Variants in WDR7 observed in about 807,000 individuals in gnomAD.
WDR7 encodes the protein WD repeat domain 7.
A neutral mutation model predicts 169.4 loss-of-function variants in WDR7; 46 were observed. The observed-to-expected ratio is 0.27, with a 90% confidence interval of 0.21 to 0.35. WDR7 has a LOEUF of 0.35. WDR7 is among the 10% of genes least tolerant of loss of function. WDR7 has a pLI of 1.00. For missense variants in WDR7, 1,534 were observed against 1,859.3 expected, an observed-to-expected ratio of 0.83 and a Z score of 3.22; for synonymous variants, 612 against 666.8, an observed-to-expected ratio of 0.92 and a Z score of 1.27.
At chr18:56,786,955 C>T (rs2044410561) in intron 19 of WDR7, among the ~76,000 whole-genome samples, 1 of 151,420 alleles carries the variant, frequency 6.6e-6, no homozygotes, top group Admixed American at 6.6e-5. Flanking sequence ...ATTACTTTTG[C>T]ACCAACCTAA....
chr18:56,959,413 A>G (rs1449043421), intron 25 of WDR7, among the ~76,000 whole-genome samples: 2 of 152,160 alleles, frequency 1.3e-5, no homozygotes. Flanking sequence ...TATAATTTAC[A>G]TTATTACCCA....
At chr18:56,959,275 G>T (rs1376699048) in intron 25 of WDR7, among the ~76,000 whole-genome samples, 1 of 152,140 alleles carries the variant, frequency 6.6e-6, no homozygotes, top group African/African-American at 2.4e-5. Context: ...CGTGAACAGG[G>T]CTGTGAACAG....
At chr18:57,030,314 AC>A (rs1349837780), downstream of WDR7, 1 of 152,242 alleles carries the variant, frequency 6.6e-6, no homozygotes, top group Non-Finnish European at 1.5e-5. Flanking sequence ...AGATAAGAAC[AC>A]AAAAGCTTGA....
intron 25 of WDR7, among the ~76,000 whole-genome samples, chr18:56,951,732 T>A (rs1415762172): frequency 6.6e-6 from 1 of 152,174 alleles, no homozygotes; most frequent in African/African-American, 2.4e-5. Context: ...CATGCACATA[T>A]ACATATATGC....
intron 19 of WDR7, among the ~76,000 whole-genome samples, chr18:56,796,227 T>A (rs953674096): frequency 6.6e-6 from 1 of 152,194 alleles, no homozygotes; most frequent in Non-Finnish European, 1.5e-5. Flanking sequence ...GGATGCCTCA[T>A]CTTCAGGCAA....
At chr18:56,743,415 GAGA>G (rs2043649388) in intron 14 of WDR7, among the ~76,000 whole-genome samples, 1 of 152,160 alleles carries the variant, frequency 6.6e-6, no homozygotes, top group South Asian at 2.1e-4. Flanking sequence ...AAACGATTTA[GAGA>G]AGGAGTGGTG....
intron 20 of WDR7, among the ~76,000 whole-genome samples, chr18:56,842,909 G>A (rs1388150723): frequency 6.6e-6 from 1 of 152,176 alleles, no homozygotes; most frequent in East Asian, 1.9e-4. Flanking sequence ...TGTGCTACTA[G>A]AAAATTACAG....
chr18:57,033,639 CTGGCACAGTGAG>C (rs1292186867), downstream of WDR7: 2 of 152,324 alleles, frequency 1.3e-5, no homozygotes, highest in East Asian at 3.9e-4. Flanking sequence ...TACTGTGTGA[CTGGCACAGTGAG>C]TTGAATGCCT....
intron 1 of WDR7, among the ~76,000 whole-genome samples, chr18:56,656,597 T>A (rs1295237984): frequency 6.6e-6 from 1 of 151,392 alleles, no homozygotes; most frequent in African/African-American, 2.4e-5. Context: ...TTTTTTTTTT[T>A]AACTGTTCTG....
intron 20 of WDR7, among the ~76,000 whole-genome samples, chr18:56,824,036 A>G (rs1025159964): frequency 1.3e-5 from 2 of 152,156 alleles, no homozygotes; most frequent in Non-Finnish European, 2.9e-5. Context: ...CCAAATCTAA[A>G]TACCTTGGTG....
intron 21 of WDR7, among the ~76,000 whole-genome samples, chr18:56,884,940 G>T (rs530914513): frequency 3.3e-5 from 5 of 152,206 alleles, no homozygotes; most frequent in African/African-American, 1.2e-4. Context: ...ATGGCTGAGA[G>T]ACCTGAAGAC....
intron 16 of WDR7, among the ~76,000 whole-genome samples, chr18:56,770,671 G>A (rs1384019492): frequency 1.3e-5 from 2 of 152,146 alleles, no homozygotes; most frequent in Admixed American, 6.5e-5. Context: ...GTGTTGTCTT[G>A]TGTACCTGTT....
At chr18:56,783,403 A>G (rs1203596834) in intron 19 of WDR7, among the ~76,000 whole-genome samples, 3 of 152,192 alleles carry the variant, frequency 2.0e-5, no homozygotes, top group Non-Finnish European at 1.5e-5. Flanking sequence ...TTAGATGATC[A>G]TCTCATCATA....
chr18:56,931,437 G>C (rs996516189), intron 22 of WDR7, among the ~76,000 whole-genome samples: 4 of 152,118 alleles, frequency 2.6e-5, no homozygotes, highest in Non-Finnish European at 5.9e-5. Context: ...TTCATTGCCT[G>C]GTCAATTCAG....
At chr18:56,655,417 G>T (rs2024744808) in intron 1 of WDR7, among the ~76,000 whole-genome samples, 1 of 152,090 alleles carries the variant, frequency 6.6e-6, no homozygotes, top group African/African-American at 2.4e-5. Context: ...TTGAGCCCAG[G>T]AGTTTGAGAC....
chr18:56,917,830 C>T (rs1438055954), intron 21 of WDR7, among the ~76,000 whole-genome samples: 1 of 151,960 alleles, frequency 6.6e-6, no homozygotes. Flanking sequence ...GGCAGCTTTG[C>T]TCTTTCATAT....
chr18:56,993,706 G>A lies in WDR7; in HGVS notation c.4165-27039G>A, dbSNP rs2047851549. Among the ~76,000 whole-genome samples, 4 of 152,138 alleles carry A rather than the reference G, an allele frequency of 2.6e-5. No homozygotes were observed. The South Asian group carries it at 8.3e-4, about 32-fold the overall frequency. On this transcript the variant is annotated intron_variant, in intron 26 of 27. Coordinates refer to ENST00000254442, the MANE Select transcript of WDR7 (RefSeq NM_015285.3). ...AGCTTTTGTCTAGGGAAGATGGTGGGATGCGGGAGGGAGATGAGTGTGTGT... is the reference window on the plus strand; with the variant it reads ...AGCTTTTGTCTAGGGAAGATGGTGGAATGCGGGAGGGAGATGAGTGTGTGT...
intron 21 of WDR7, among the ~76,000 whole-genome samples, chr18:56,893,133 C>A (rs1413140420): frequency 6.6e-6 from 1 of 150,856 alleles, no homozygotes; most frequent in Admixed American, 6.6e-5. Flanking sequence ...TTTTTTGATT[C>A]TTTGTCACTA....
At chr18:56,828,759 C>T (rs1391647475) in intron 20 of WDR7, among the ~76,000 whole-genome samples, 2 of 151,988 alleles carry the variant, frequency 1.3e-5, no homozygotes, top group African/African-American at 4.8e-5. Context: ...TGTACCACAG[C>T]AAAATTCAAC....
Sources: gnomAD v4.1 joint callset for allele counts (sites outside exome capture counted in the v4.1 genomes callset) on GRCh38, gnomAD v4.1.1 for gene constraint, MANE v1.5 for transcripts, NCBI Gene and HGNC (gene_info 2026-07-23, HGNC 2026-07-21) for gene names.